The following RERG variants were observed in gnomAD, a reference collection of about 807,000 sequenced individuals.
RERG encodes the protein ras-related and estrogen-regulated growth inhibitor.
RERG carries 25 observed loss-of-function variants against 23.2 expected under a neutral mutation model. That is an observed-to-expected ratio of 1.08 (90% CI 0.79 to 1.50). The LOEUF is 1.50. Among genes scored for constraint, RERG ranks in the 40% most tolerant of loss-of-function variants. RERG has a pLI of 0.00. For missense variants in RERG, 253 were observed against 250.1 expected (o/e 1.01, Z -0.08); for synonymous variants, 81 against 89.1 (o/e 0.91, Z 0.51).
intron 2 of RERG, among the ~76,000 whole-genome samples, chr12:15,215,587 T>C (rs1218864326): frequency 6.6e-6 from 1 of 152,106 alleles, no homozygotes; most frequent in Non-Finnish European, 1.5e-5. Context: ...TTCAGTAGCA[T>C]GGTTGTAACA....
intron 2 of RERG, among the ~76,000 whole-genome samples, chr12:15,197,016 T>C (rs1865154499): frequency 6.6e-6 from 1 of 152,154 alleles, no homozygotes; most frequent in Admixed American, 6.5e-5. Flanking sequence ...TAACTTTGAG[T>C]ATTTATTACG....
At chr12:15,219,272 C>T (rs1037220210) in intron 1 of RERG, among the ~76,000 whole-genome samples, 4 of 152,042 alleles carry the variant, frequency 2.6e-5, no homozygotes, top group Non-Finnish European at 5.9e-5. Context: ...AGTGAAAATC[C>T]GCCTGAAAAA....
At chr12:15,154,496 A>T (rs1432342333) in intron 2 of RERG, among the ~76,000 whole-genome samples, 1 of 152,242 alleles carries the variant, frequency 6.6e-6, no homozygotes, top group African/African-American at 2.4e-5. Flanking sequence ...GAAAAGAATC[A>T]GGGATTGATT....
chr12:15,127,029 T>C (rs988824804), intron 2 of RERG, among the ~76,000 whole-genome samples: 1 of 152,184 alleles, frequency 6.6e-6, no homozygotes, highest in African/African-American at 2.4e-5. Flanking sequence ...AGATAGCATT[T>C]CTACCTGCGG....
Position 15,217,616 on chromosome 12 carries a change from A to T in RERG, c.-114-13T>A. The T allele has an allele frequency of 1.4e-6, 1 of 698,604 alleles. No individual in the cohort carries two copies. The highest frequency in any genetic ancestry group is 2.5e-6 in the Non-Finnish European group (1 of 393,754). 43.3% of individuals were successfully genotyped at this position (698,604 alleles called of 1,614,324 possible). A position where few individuals can be genotyped will look rare whatever the true frequency, so the allele number is the denominator to read the frequency against. ...AGAGTCCACAATCCTTAAACAAAAG[A>T]AATTTGGGAATTCATAAGTGACTGG... On this transcript the variant is annotated splice_polypyrimidine_tract_variant and intron_variant, in intron 1 of 4. Transcript: ENST00000256953.
intron 2 of RERG, among the ~76,000 whole-genome samples, chr12:15,184,924 T>C (rs912198822): frequency 9.2e-5 from 14 of 152,144 alleles, no homozygotes; most frequent in African/African-American, 3.1e-4. Context: ...TTATTTTCCC[T>C]TAACCTAATA....
intron 2 of RERG, among the ~76,000 whole-genome samples, chr12:15,170,005 CA>C (rs1352735688): frequency 1.3e-5 from 2 of 148,516 alleles, no homozygotes. Context: ...TTGGGAAGAC[CA>C]GATGATGAGA....
At position 15,108,822 on chromosome 12, in the gene RERG, A is replaced by T. The variant is rs1376377778; in HGVS notation, c.*288T>A. The T allele has an allele frequency of 3.4e-6, 1 of 291,738 alleles. No homozygotes were observed. Among genetic ancestry groups the T allele is most frequent in the Non-Finnish European group, 6.3e-6 (1 of 159,412 alleles). 18.1% of individuals were successfully genotyped at this position (291,738 alleles called of 1,614,324 possible). On this transcript the variant is annotated 3_prime_UTR_variant, in exon 5 of 5. Coordinates refer to ENST00000256953, the MANE Select transcript of RERG (RefSeq NM_032918.3). The stretch of plus-strand genomic sequence containing the variant: ...TCAACCTACTTAAAGCAAGGTGAAG[A>T]TGCCTAAAAATAGCTTAACATAAAC...
At chr12:15,209,277 C>A (rs560859885) in intron 2 of RERG, among the ~76,000 whole-genome samples, 51 of 152,188 alleles carry the variant, frequency 3.4e-4, no homozygotes, top group Middle Eastern at 3.4e-3. Context: ...ACCTTCAGTG[C>A]CATAATTTCA....
chr12:15,151,663 T>C (rs950692554), intron 2 of RERG, among the ~76,000 whole-genome samples: 7 of 152,170 alleles, frequency 4.6e-5, no homozygotes, highest in African/African-American at 1.7e-4. Context: ...TGAATGGTAG[T>C]GGATCATAGT....
chr12:15,171,809 A>T (rs1337430376), intron 2 of RERG, among the ~76,000 whole-genome samples: 3 of 152,196 alleles, frequency 2.0e-5, no homozygotes, highest in African/African-American at 7.2e-5. Context: ...ATGCTACCTA[A>T]AATAATAGAG....
chr12:15,216,602 A>C (rs1263168328), intron 2 of RERG, among the ~76,000 whole-genome samples: 1 of 152,248 alleles, frequency 6.6e-6, no homozygotes, highest in Non-Finnish European at 1.5e-5. Context: ...CTGAGAACCA[A>C]AAGCTCTGTG....
At chr12:15,128,107 AT>A (rs148422990) in intron 2 of RERG, among the ~76,000 whole-genome samples, 7 of 151,968 alleles carry the variant, frequency 4.6e-5, no homozygotes, top group African/African-American at 9.7e-5. Context: ...TACATGTTTG[AT>A]TTTTTTTAAC....
chr12:15,181,381 C>A (rs1259615851), intron 2 of RERG, among the ~76,000 whole-genome samples: 2 of 152,218 alleles, frequency 1.3e-5, no homozygotes, highest in East Asian at 3.9e-4. Flanking sequence ...TGTTTGTGTT[C>A]ACAAATACCC....
intron 2 of RERG, among the ~76,000 whole-genome samples, chr12:15,168,686 A>T (rs140665186): frequency 1.3e-4 from 20 of 152,240 alleles, no homozygotes; most frequent in African/African-American, 4.1e-4. Context: ...TTCCTACTTG[A>T]AGACTGATGA....
intron 2 of RERG, among the ~76,000 whole-genome samples, chr12:15,147,905 A>C (rs1418584447): frequency 6.6e-6 from 1 of 152,244 alleles, no homozygotes; most frequent in Non-Finnish European, 1.5e-5. Context: ...CATGTAAAAC[A>C]TATATCAGAT....
intron 2 of RERG, among the ~76,000 whole-genome samples, chr12:15,180,882 G>C (rs750271438): frequency 5.3e-5 from 8 of 152,158 alleles, no homozygotes; most frequent in Non-Finnish European, 8.8e-5. Flanking sequence ...CAGCCAGGTG[G>C]CTTCTAGTTA....
chr12:15,133,082 A>G (rs1395472748), intron 2 of RERG, among the ~76,000 whole-genome samples: 2 of 138,086 alleles, frequency 1.4e-5, no homozygotes, highest in Non-Finnish European at 3.0e-5. Context: ...ACATTGATAC[A>G]TTATTATTAC....
At chr12:15,133,074 A>G (rs1229996796) in intron 2 of RERG, among the ~76,000 whole-genome samples, 2 of 137,284 alleles carry the variant, frequency 1.5e-5, no homozygotes, top group Non-Finnish European at 3.1e-5. Context: ...ATGAATCTAC[A>G]TTGATACATT....
Sources: gnomAD v4.1 joint callset for allele counts (sites outside exome capture counted in the v4.1 genomes callset) on GRCh38, gnomAD v4.1.1 for gene constraint, MANE v1.5 for transcripts, NCBI Gene and HGNC (gene_info 2026-07-23, HGNC 2026-07-21) for gene names.